Variants in FREM2 observed in about 807,000 individuals in gnomAD.
FREM2 encodes the protein FRAS1-related extracellular matrix protein 2.
FREM2 carries 119 observed loss-of-function variants against 219.9 expected under a neutral mutation model. That is an observed-to-expected ratio of 0.54 (90% CI 0.47 to 0.63). The LOEUF is 0.63. FREM2 is among the 30% of genes least tolerant of loss of function. The pLI, the probability that FREM2 is intolerant of heterozygous loss-of-function variation, is 0.00. For synonymous variants in FREM2, 1,562 were observed against 1,522.8 expected, an observed-to-expected ratio of 1.03 and a Z score of -0.60; for missense variants, 4,030 against 3,993.6, an observed-to-expected ratio of 1.01 and a Z score of -0.25.
intron 6 of FREM2, among the ~76,000 whole-genome samples, chr13:38,829,699 A>G (rs1335953784): frequency 6.6e-6 from 1 of 151,374 alleles, no homozygotes; most frequent in African/African-American, 2.4e-5. Flanking sequence ...AAGTGAGTAT[A>G]GAGCCCATTC....
intron 2 of FREM2, among the ~76,000 whole-genome samples, chr13:38,717,285 A>G (rs931597036): frequency 1.3e-5 from 2 of 152,070 alleles, no homozygotes; most frequent in Non-Finnish European, 2.9e-5. Context: ...TTCCACATGG[A>G]AGTATATAGA....
At chr13:38,790,017 C>A (rs1468875250) in intron 6 of FREM2, among the ~76,000 whole-genome samples, 1 of 151,978 alleles carries the variant, frequency 6.6e-6, no homozygotes. Flanking sequence ...AGGGATTAAA[C>A]CCTGAGAGTA....
At chr13:38,741,553 A>G (rs997514401) in intron 2 of FREM2, among the ~76,000 whole-genome samples, 1 of 152,168 alleles carries the variant, frequency 6.6e-6, no homozygotes. Context: ...GACTCAAGCA[A>G]GTCATTGTTA....
intron 6 of FREM2, among the ~76,000 whole-genome samples, chr13:38,819,867 C>T (rs558388787): frequency 1.6e-4 from 25 of 152,126 alleles, no homozygotes; most frequent in African/African-American, 5.3e-4. Context: ...TTAACAACTA[C>T]GCAGCACACT....
At chr13:38,754,135 T>A (rs1439338050) in intron 2 of FREM2, among the ~76,000 whole-genome samples, 3 of 152,140 alleles carry the variant, frequency 2.0e-5, no homozygotes, top group Non-Finnish European at 2.9e-5. Context: ...ATTTTCCTTC[T>A]AGCTTCCCTG....
At chr13:38,726,249 A>G (rs1463513381) in intron 2 of FREM2, among the ~76,000 whole-genome samples, 1 of 152,160 alleles carries the variant, frequency 6.6e-6, no homozygotes, top group Non-Finnish European at 1.5e-5. Flanking sequence ...TATAGGGCCT[A>G]TCTGTAATTA....
At chr13:38,741,416 A>T (rs894209575) in intron 2 of FREM2, among the ~76,000 whole-genome samples, 2 of 152,190 alleles carry the variant, frequency 1.3e-5, no homozygotes, top group Non-Finnish European at 2.9e-5. Flanking sequence ...CCTAATGAAG[A>T]CCTTCATATG....
rs1026793499 is a variant in FREM2, at chr13:38,886,107, T to C, written c.*5320T>C. 6.6e-6 allele frequency: 1 copy of C among 152,080 alleles called. No individual in the cohort carries two copies. Among genetic ancestry groups the C allele is most frequent in the Non-Finnish European group, 1.5e-5 (1 of 68,010 alleles). 9.4% of individuals were successfully genotyped at this position (152,080 alleles called of 1,614,324 possible). On this transcript the variant is annotated 3_prime_UTR_variant, in exon 24 of 24. Transcript: ENST00000280481. ...CCTCTCAGATAAGAATTGTCAGTATTGCACCTCAAGAAAGAAGAAAAAATA... is the reference window on the plus strand; with the variant it reads ...CCTCTCAGATAAGAATTGTCAGTATCGCACCTCAAGAAAGAAGAAAAAATA...
chr13:38,691,128 A>T lies in FREM2; in HGVS notation c.3784A>T (p.Ser1262Cys). ...CTTGGATCAGATCATAGAGAGTTCCAGCATTATTTATGAGCATGATGACTC... is the reference window on the plus strand; with the variant it reads ...CTTGGATCAGATCATAGAGAGTTCCTGCATTATTTATGAGCATGATGACTC... The part of the protein sequence containing the change: ...FTLDQIIESS[S>C]IIYEHDDSET... The change falls in exon 1 of 24, where the codon AGC becomes TGC. Residue 1262 changes from serine (S) to cysteine (C), a missense_variant. Coordinates refer to ENST00000280481, the MANE Select transcript of FREM2 (RefSeq NM_207361.6). 6.2e-7 allele frequency: 1 copy of T among 1,614,150 alleles called. No individual in the cohort carries two copies.
chr13:38,847,752 A>G (rs1358471829), intron 7 of FREM2, among the ~76,000 whole-genome samples: 1 of 152,194 alleles, frequency 6.6e-6, no homozygotes, highest in Non-Finnish European at 1.5e-5. Context: ...AAGAAAGAAG[A>G]AATATTATCG....
rs369006652 is a variant in FREM2 at position 38,769,328 on chromosome 13, C to T, written c.5411-250C>T. ...GTCTTGTTTGACAAGAAGTTCTAAT[C>T]CAAATGTAGCTTAAAGCATATATAG... is the stretch of plus-strand genomic sequence containing the variant. On this transcript the variant is annotated intron_variant, in intron 3 of 23. Coordinates refer to ENST00000280481, the MANE Select transcript of FREM2 (RefSeq NM_207361.6). Among the ~76,000 whole-genome samples the T allele has an allele frequency of 6.6e-5, 10 of 152,136 alleles. 1 individual carries two copies. The highest frequency in any genetic ancestry group is 2.4e-4 in the African/African-American group (10 of 41,492).
chr13:38,744,560 C>T (rs966869471), intron 2 of FREM2, among the ~76,000 whole-genome samples: 5 of 151,892 alleles, frequency 3.3e-5, no homozygotes, highest in Admixed American at 6.6e-5. Context: ...GGCGTGATCT[C>T]GGCTCACTGC....
intron 6 of FREM2, among the ~76,000 whole-genome samples, chr13:38,839,506 T>C (rs975470150): frequency 2.0e-5 from 3 of 152,218 alleles, no homozygotes; most frequent in African/African-American, 4.8e-5. Flanking sequence ...GGAGATCTTC[T>C]GCTCTCTTCA....
intron 4 of FREM2, among the ~76,000 whole-genome samples, chr13:38,781,179 C>G (rs2496404): frequency 0.92 from 139,974 of 152,112 alleles, 64,630 homozygotes; most frequent in Non-Finnish European, 0.96. Context: ...TTCAAGCACA[C>G]TGGCCTCCTG....
chr13:38,797,697 T>G (rs901569389), intron 6 of FREM2, among the ~76,000 whole-genome samples: 2 of 152,028 alleles, frequency 1.3e-5, no homozygotes, highest in African/African-American at 4.8e-5. Context: ...TGTTCCCAAG[T>G]TTTCCCCATT....
intron 2 of FREM2, among the ~76,000 whole-genome samples, chr13:38,736,693 A>C (rs1566122583): frequency 6.6e-6 from 1 of 152,184 alleles, no homozygotes; most frequent in Non-Finnish European, 1.5e-5. Flanking sequence ...AAAATAAAGA[A>C]AAAATTAATG....
chr13:38,703,322 C>G (rs767191834), intron 2 of FREM2, among the ~76,000 whole-genome samples: 1 of 152,046 alleles, frequency 6.6e-6, no homozygotes, highest in Non-Finnish European at 1.5e-5. Context: ...GCATTCTTGG[C>G]AATAAAATTA....
intron 2 of FREM2, among the ~76,000 whole-genome samples, chr13:38,754,295 C>T (rs906022447): frequency 1.3e-5 from 2 of 152,160 alleles, no homozygotes; most frequent in African/African-American, 4.8e-5. Flanking sequence ...TTGAGGGCCT[C>T]ACTATTCACT....
At position 38,856,243 on chromosome 13, in the gene FREM2, T is replaced by C. The variant is rs1877556453; in HGVS notation, c.7043T>C (p.Ile2348Thr). ...CACCTAAAACCTGATGAAAATATGATAGCAGAGATGCAGGTAAGTAATGTA... is the reference window on the plus strand; with the variant it reads ...CACCTAAAACCTGATGAAAATATGACAGCAGAGATGCAGGTAAGTAATGTA... ...TVHLKPDENM[I>T]AEMQLTKAIV... The change falls in exon 12 of 24, where the codon ATA becomes ACA. Residue 2348 changes from isoleucine (I) to threonine (T), a missense_variant. This residue lies in a region of FREM2 where 928 missense variants were observed against 1,042.9 expected (regional missense o/e 0.89). Coordinates refer to ENST00000280481, the MANE Select transcript of FREM2 (RefSeq NM_207361.6). The C allele has an allele frequency of 6.2e-7, 1 of 1,612,332 alleles. No homozygotes were observed. The highest frequency in any genetic ancestry group is 1.1e-5 in the South Asian group (1 of 91,038).
Sources: allele counts gnomAD v4.1 joint callset (sites outside exome capture counted in the v4.1 genomes callset), GRCh38; gene constraint gnomAD v4.1.1; regional missense constraint gnomAD v4.1.1; transcripts MANE v1.5; gene names NCBI Gene and HGNC (gene_info 2026-07-23, HGNC 2026-07-21).